KLHL6: variants seen among roughly 807,000 people sequenced by gnomAD.
The protein encoded by KLHL6 is kelch-like protein 6.
KLHL6 carries 41 observed loss-of-function variants against 58.6 expected under a neutral mutation model. The observed-to-expected ratio is 0.70, with a 90% confidence interval of 0.55 to 0.91. The LOEUF is 0.91. Among genes scored for constraint, KLHL6 ranks in the 40% least tolerant of loss-of-function variants. The pLI is 0.00. For missense variants in KLHL6, 714 were observed against 805.6 expected (o/e 0.89, Z 1.38); for synonymous variants, 338 against 322.7 (o/e 1.05, Z -0.51).
chr3:183,551,462 A>T (rs574566358), intron 1 of KLHL6, among the ~76,000 whole-genome samples: 1 of 152,354 alleles, frequency 6.6e-6, no homozygotes, highest in African/African-American at 2.4e-5. Flanking sequence ...AAAATGAGTG[A>T]ATTAATAACT....
intron 1 of KLHL6, among the ~76,000 whole-genome samples, chr3:183,535,004 G>T (rs1712317576): frequency 6.7e-6 from 1 of 150,036 alleles, no homozygotes; most frequent in African/African-American, 2.5e-5. Flanking sequence ...GAGTGCAGTG[G>T]CACAATATCG....
At chr3:183,513,649 C>G (rs1280921384) in intron 2 of KLHL6, among the ~76,000 whole-genome samples, 1 of 152,212 alleles carries the variant, frequency 6.6e-6, no homozygotes, top group Non-Finnish European at 1.5e-5. Flanking sequence ...TTCACTCCAC[C>G]TGGCAATTCA....
chr3:183,501,269 A>T (rs1427915896), intron 3 of KLHL6, among the ~76,000 whole-genome samples: 1 of 152,214 alleles, frequency 6.6e-6, no homozygotes, highest in East Asian at 1.9e-4. Flanking sequence ...GGGCAATGGC[A>T]CCAAAGACAA....
intron 1 of KLHL6, among the ~76,000 whole-genome samples, chr3:183,549,211 A>T (rs185564213): frequency 6.6e-6 from 1 of 152,320 alleles, no homozygotes; most frequent in Non-Finnish European, 1.5e-5. Context: ...AACAAGAATG[A>T]GTTAAGGCCA....
At chr3:183,542,275 G>T (rs1712576207) in intron 1 of KLHL6, among the ~76,000 whole-genome samples, 1 of 152,144 alleles carries the variant, frequency 6.6e-6, no homozygotes, top group Non-Finnish European at 1.5e-5. Context: ...CCTACTTAAA[G>T]ACTCTTCCAC....
intron 3 of KLHL6, among the ~76,000 whole-genome samples, chr3:183,506,310 C>T (rs376310514): frequency 9.2e-5 from 14 of 152,174 alleles, no homozygotes; most frequent in African/African-American, 1.2e-4. Flanking sequence ...GTTTATTCAC[C>T]GTTCGTAGTA....
chr3:183,501,309 G>A (rs139371912), intron 3 of KLHL6, among the ~76,000 whole-genome samples: 1,861 of 152,264 alleles, frequency 0.012, 37 homozygotes, highest in African/African-American at 0.042. Flanking sequence ...TTCTCTTCAG[G>A]TGTCAGCCCT....
chr3:183,508,297 C>T lies in KLHL6; in HGVS notation c.671G>A (p.Ser224Asn), dbSNP rs1004465382. 2.5e-6 allele frequency: 4 copies of T among 1,614,250 alleles called. No homozygotes were observed. The highest frequency in any genetic ancestry group is 2.5e-6 in the Non-Finnish European group (3 of 1,180,038). The change falls in exon 3 of 7, where the codon AGT (serine) becomes AAT (asparagine). Residue 224 changes from serine to asparagine, a missense_variant. Physicochemically the swap from Ser to Asn is conservative, Grantham distance 46. Transcript: ENST00000341319. ...PVDTLHHILK[S>N]DDLYVTEEAQ... ...CTCCTCGGTCACGTAAAGGTCATCA[C>T]TCTTCAAGATGTGGTGCAGAGTGTC...
rs551406360 is a variant in KLHL6, at chr3:183,510,993, A to G, written c.460-2485T>C. 1.1e-3 allele frequency among the ~76,000 whole-genome samples: 163 copies of G among 152,320 alleles called. 1 individual carries two copies. The highest frequency in any genetic ancestry group is 3.5e-3 in the African/African-American group (144 of 41,572). On this transcript the variant is annotated intron_variant, in intron 2 of 6. Coordinates refer to ENST00000341319, the MANE Select transcript of KLHL6 (RefSeq NM_130446.4). ...GTGGGACGAGAGACTGAGAAAAGAAATAAGACACAGAGGCAAAGTACAGAG... is the reference window on the plus strand; with the variant it reads ...GTGGGACGAGAGACTGAGAAAAGAAGTAAGACACAGAGGCAAAGTACAGAG...
Position 183,491,961 on chromosome 3 carries a change from A to G in KLHL6, c.1832T>C (p.Ile611Thr), listed in dbSNP as rs747446367. Residue 611 changes from isoleucine (I) to threonine (T), a missense_variant, in exon 7 of 7, where the codon ATC becomes ACC. Physicochemically the swap from Ile to Thr is moderately conservative, Grantham distance 89. Around this residue, in one of 2 missense-constraint regions of KLHL6, gnomAD observed 510 missense variants for 629.7 expected, o/e 0.81. Transcript: ENST00000341319. ...SVTIRKSYTHIRRIVPGAVSV is the reference protein window; with the variant it reads ...SVTIRKSYTHTRRIVPGAVSV ...CACTGCTCCGGGCACGATCCTGCGG[A>G]TGTGGGTGTACGACTTCCTGATGGT... The G allele has an allele frequency of 6.5e-7, 1 of 1,544,474 alleles. No individual in the cohort carries two copies. Among genetic ancestry groups the G allele is most frequent in the East Asian group, 2.3e-5 (1 of 42,594 alleles).
intron 2 of KLHL6, among the ~76,000 whole-genome samples, chr3:183,511,360 A>G (rs913334221): frequency 1.3e-5 from 2 of 152,204 alleles, no homozygotes; most frequent in African/African-American, 2.4e-5. Context: ...TTTTTCTCCT[A>G]TCTCAGAACT....
intron 2 of KLHL6, among the ~76,000 whole-genome samples, chr3:183,519,528 C>A (rs984099991): frequency 1.3e-5 from 2 of 152,096 alleles, no homozygotes; most frequent in Non-Finnish European, 2.9e-5. Context: ...TCCTGTGTCA[C>A]TACCTATGAT....
At chr3:183,547,377 G>A (rs1458379213) in intron 1 of KLHL6, among the ~76,000 whole-genome samples, 2 of 152,188 alleles carry the variant, frequency 1.3e-5, no homozygotes, top group Non-Finnish European at 1.5e-5. Context: ...AGATTTTTGG[G>A]TAAGGGATTA....
chr3:183,508,069 G>C lies in KLHL6; in HGVS notation c.899C>G (p.Ser300Cys), dbSNP rs1718060299. 1.2e-6 allele frequency: 2 copies of C among 1,613,446 alleles called. No homozygotes were observed. The highest frequency in any genetic ancestry group is 1.7e-6 in the Non-Finnish European group (2 of 1,179,534). The change falls in exon 3 of 7, where the codon TCT (serine) becomes TGT (cysteine). Residue 300 changes from serine to cysteine, a missense_variant. By Grantham distance (112) the Ser-to-Cys change is moderately radical. Transcript: ENST00000341319. ...TTATCTTCTACTCACCTCATTGCCAGAAAGGTGGTACATCCTGGCTTCCTG... is the reference window on the plus strand; with the variant it reads ...TTATCTTCTACTCACCTCATTGCCACAAAGGTGGTACATCCTGGCTTCCTG... ...LLQEARMYHL[S>C]GNEIISERTK...
At chr3:183,537,829 C>G (rs2108691098) in intron 1 of KLHL6, among the ~76,000 whole-genome samples, 1 of 152,260 alleles carries the variant, frequency 6.6e-6, no homozygotes, top group African/African-American at 2.4e-5. Context: ...CTTTATTTTT[C>G]TTCATAGCTC....
intron 1 of KLHL6, among the ~76,000 whole-genome samples, chr3:183,552,817 G>A (rs532190714): frequency 6.6e-6 from 1 of 150,800 alleles, no homozygotes; most frequent in Admixed American, 6.6e-5. Context: ...CAAAACCTCA[G>A]ACACAAAGCG....
intron 2 of KLHL6, among the ~76,000 whole-genome samples, chr3:183,511,914 C>T (rs1370954080): frequency 6.6e-6 from 1 of 152,156 alleles, no homozygotes; most frequent in African/African-American, 2.4e-5. Flanking sequence ...AGTCTGATCT[C>T]TCTTTTCCCT....
At chr3:183,508,676 G>C (rs563218248) in intron 2 of KLHL6, among the ~76,000 whole-genome samples, 168 bp from the exon 3 acceptor site, 2 of 152,178 alleles carry the variant, frequency 1.3e-5, no homozygotes, top group Non-Finnish European at 2.9e-5. Flanking sequence ...TTAAAACAAT[G>C]AGATACTTAC....
chr3:183,528,081 A>G, intron 1 of KLHL6, 71 bp from the exon 2 acceptor site: 1 of 1,545,346 alleles, frequency 6.5e-7, no homozygotes, highest in African/African-American at 1.4e-5. Context: ...ATCCCCTTTC[A>G]GACTCATCAG....
Sources: gnomAD v4.1 joint callset for allele counts (sites outside exome capture counted in the v4.1 genomes callset) on GRCh38, gnomAD v4.1.1 for gene constraint, gnomAD v4.1.1 regional missense constraint, MANE v1.5 for transcripts, NCBI Gene and HGNC (gene_info 2026-07-23, HGNC 2026-07-21) for gene names.